Variants in IL12RB2 observed in about 807,000 individuals in gnomAD.
IL12RB2 encodes interleukin-12 receptor subunit beta-2.
A neutral mutation model predicts 89.4 loss-of-function variants in IL12RB2; 82 were observed. The ratio of observed to expected loss-of-function variants is 0.92; its 90% CI spans 0.77 to 1.10. The LOEUF (loss-of-function observed/expected upper bound fraction) is 1.10, where lower values mean the gene tolerates loss of function less well. IL12RB2 is among the 50% of genes least tolerant of loss of function. The probability of loss-of-function intolerance (pLI) is 0.00; values close to 1 mark genes in which losing one functional copy is unlikely to be tolerated. For missense variants in IL12RB2, 963 were observed against 1,031.9 expected (o/e 0.93, Z 0.92); for synonymous variants, 368 against 370.1 (o/e 0.99, Z 0.07).
At position 67,343,927 on chromosome 1, in the gene IL12RB2, A is replaced by G. The variant is rs570764426; in HGVS notation, c.1038+5224A>G. Among the ~76,000 whole-genome samples the G allele has an allele frequency of 6.9e-4, 105 of 152,346 alleles. 2 individuals carry two copies. In the South Asian group the frequency reaches 0.021, roughly 31 times the overall value. On this transcript the variant is annotated intron_variant, in intron 9 of 16. Coordinates refer to ENST00000674203, the MANE Select transcript of IL12RB2 (RefSeq NM_001374259.2). ...AAACATATGAAAGCTCCTCTTTAGT[A>G]TTAGACACTGTACTGCATAGCTGGG...
Position 67,396,051 on chromosome 1 carries a change from G to C in IL12RB2, c.2551G>C (p.Asp851His), listed in dbSNP as rs1666340846. Residue 851 changes from aspartate to histidine, a missense_variant, in exon 17 of 17, where the codon GAT becomes CAT. Coordinates refer to ENST00000674203, the MANE Select transcript of IL12RB2 (RefSeq NM_001374259.2). ...TFSCGDKLTL[D>H]QLKMRCDSLM... ...CTCCTGTGGTGATAAGCTGACTCTG[G>C]ATCAGTTAAAGATGAGGTGTGACTC... 1.2e-6 allele frequency: 2 copies of C among 1,610,050 alleles called. No homozygotes were observed. Among genetic ancestry groups the C allele is most frequent in the South Asian group, 1.1e-5 (1 of 90,994 alleles).
intron 10 of IL12RB2, among the ~76,000 whole-genome samples, chr1:67,362,670 C>G (rs895788267): frequency 1.3e-5 from 2 of 151,386 alleles, no homozygotes; most frequent in African/African-American, 4.8e-5. Flanking sequence ...GAAAAAAAGC[C>G]CATCAACCTA....
chr1:67,382,555 A>G (rs1174482954), intron 14 of IL12RB2, among the ~76,000 whole-genome samples: 2 of 152,124 alleles, frequency 1.3e-5, no homozygotes, highest in African/African-American at 2.4e-5. Flanking sequence ...ACACTTCAGC[A>G]TTCATTATGG....
intron 2 of IL12RB2, among the ~76,000 whole-genome samples, chr1:67,317,748 C>T (rs1453516244): frequency 6.6e-6 from 1 of 152,196 alleles, no homozygotes; most frequent in Non-Finnish European, 1.5e-5. Flanking sequence ...TTCCCTCCTT[C>T]GCATCTTTCT....
chr1:67,339,967 C>T (rs1659337826), intron 9 of IL12RB2, among the ~76,000 whole-genome samples: 1 of 152,188 alleles, frequency 6.6e-6, no homozygotes, highest in African/African-American at 2.4e-5. Context: ...ATCCTCTTCA[C>T]TACACCTCTT....
chr1:67,389,120 G>A (rs998980368), intron 15 of IL12RB2, among the ~76,000 whole-genome samples: 1 of 152,064 alleles, frequency 6.6e-6, no homozygotes, highest in Non-Finnish European at 1.5e-5. Context: ...ACAGCCCTGA[G>A]GTAAGGTATC....
intron 10 of IL12RB2, among the ~76,000 whole-genome samples, chr1:67,355,684 T>C (rs139982419): frequency 7.0e-4 from 107 of 152,348 alleles, no homozygotes; most frequent in Non-Finnish European, 1.1e-3. Flanking sequence ...GTGAGCACTT[T>C]TTCCAAATGC....
In IL12RB2 at chr1:67,393,384, C is replaced by T. The variant is rs558431438; in HGVS notation, c.2047-2163C>T. 7.9e-5 allele frequency among the ~76,000 whole-genome samples: 12 copies of T among 152,328 alleles called. No individual in the cohort carries two copies. The South Asian group carries it at 2.5e-3, about 32-fold the overall frequency. On this transcript the variant is annotated intron_variant, in intron 16 of 16. Transcript: ENST00000674203. ...CCGAGGACTTGGCAGCCAGAGGGCC[C>T]GCTTTGTAAAAGCCGTGAGAGTTGC...
chr1:67,342,690 T>C (rs1659777629), intron 9 of IL12RB2, among the ~76,000 whole-genome samples: 7 of 151,992 alleles, frequency 4.6e-5, no homozygotes, highest in South Asian at 4.1e-4. Flanking sequence ...TCACTCCTTT[T>C]CCCATGACTT....
chr1:67,319,056 G>A (rs749883625), intron 2 of IL12RB2, among the ~76,000 whole-genome samples: 7 of 152,208 alleles, frequency 4.6e-5, no homozygotes, highest in Non-Finnish European at 7.3e-5. Flanking sequence ...GAACCCCACA[G>A]GGACAGGAGT....
At chr1:67,353,693 A>C (rs938660945) in intron 10 of IL12RB2, among the ~76,000 whole-genome samples, 33 of 152,372 alleles carry the variant, frequency 2.2e-4, no homozygotes, top group African/African-American at 7.5e-4. Context: ...ATCTGGAATT[A>C]CAAGTTATTT....
At chr1:67,354,273 G>A (rs1004554544) in intron 10 of IL12RB2, among the ~76,000 whole-genome samples, 19 of 152,138 alleles carry the variant, frequency 1.2e-4, no homozygotes, top group African/African-American at 3.9e-4. Flanking sequence ...GTGTGCAGGC[G>A]TGAGGGTTTG....
At chr1:67,378,936 G>A (rs1434613214) in intron 13 of IL12RB2, among the ~76,000 whole-genome samples, 5 of 150,796 alleles carry the variant, frequency 3.3e-5, no homozygotes, top group African/African-American at 1.2e-4. Context: ...GGGGGCTCAC[G>A]CCTATAATCC....
At chr1:67,393,160 C>T (rs1666007710) in intron 16 of IL12RB2, among the ~76,000 whole-genome samples, 2 of 152,158 alleles carry the variant, frequency 1.3e-5, no homozygotes, top group South Asian at 4.1e-4. Context: ...GTCCTCCCCT[C>T]CTAGCAAATG....
intron 10 of IL12RB2, 38 bp from the exon 11 acceptor site, chr1:67,367,784 CTCT>C: frequency 9.0e-7 from 1 of 1,107,818 alleles, no homozygotes; most frequent in Non-Finnish European, 1.4e-6. Flanking sequence ...TTTATCCCTC[CTCT>C]TTTTTTATTT....
At chr1:67,347,110 C>A (rs1660325304) in intron 9 of IL12RB2, among the ~76,000 whole-genome samples, 1 of 151,960 alleles carries the variant, frequency 6.6e-6, no homozygotes, top group Non-Finnish European at 1.5e-5. Flanking sequence ...AATAATTTGC[C>A]CAAGGTCATA....
intron 9 of IL12RB2, among the ~76,000 whole-genome samples, chr1:67,339,846 G>A (rs1346193528): frequency 2.0e-5 from 3 of 152,194 alleles, no homozygotes; most frequent in East Asian, 1.9e-4. Context: ...CTGCTGCATC[G>A]TGACTCATCT....
Position 67,367,930 on chromosome 1 carries a change from T to G in IL12RB2, c.1364T>G (p.Val455Gly). ...GATCCCTCTGCTGTTCAGGAGTACG[T>G]GGTGGAATGGAGAGAGCTCCATCCA... The part of the protein sequence containing the change: ...RKDPSAVQEY[V>G]VEWRELHPGG... Residue 455 changes from valine to glycine, a missense_variant, in exon 11 of 17, where the codon GTG becomes GGG. Transcript: ENST00000674203. 6.2e-7 allele frequency: 1 copy of G among 1,606,848 alleles called. No homozygotes were observed. The highest frequency in any genetic ancestry group is 8.5e-7 in the Non-Finnish European group (1 of 1,173,278).
Position 67,350,873 on chromosome 1 carries a change from C to A in IL12RB2, c.1042C>A (p.Leu348Met). The A allele has an allele frequency of 6.2e-7, 1 of 1,613,936 alleles. No individual in the cohort carries two copies. Among genetic ancestry groups the A allele is most frequent in the South Asian group, 1.1e-5 (1 of 91,074 alleles). The change falls in exon 10 of 17, where the codon CTG becomes ATG. Residue 348 changes from leucine to methionine, a missense_variant. Physicochemically the swap from Leu to Met is conservative, Grantham distance 15. Transcript: ENST00000674203. ...GAATAAATGTGTCTTGTTGCAGAATCTGAGTGTCTCAGAGGCAAGAGGAAA... is the reference window on the plus strand; with the variant it reads ...GAATAAATGTGTCTTGTTGCAGAATATGAGTGTCTCAGAGGCAAGAGGAAA... ...RQQISLFWKN[L>M]SVSEARGKIL...
Sources: gnomAD v4.1 joint callset for allele counts (sites outside exome capture counted in the v4.1 genomes callset) on GRCh38, gnomAD v4.1.1 for gene constraint, MANE v1.5 for transcripts, NCBI Gene and HGNC (gene_info 2026-07-23, HGNC 2026-07-21) for gene names.